NUBPL: variants seen among roughly 807,000 people sequenced by gnomAD.
NUBPL encodes the protein NUBP iron-sulfur cluster assembly factor, mitochondrial.
Under a neutral mutation model 45.7 loss-of-function variants are expected in NUBPL, and 31 were observed. The ratio of observed to expected loss-of-function variants is 0.68; its 90% CI spans 0.51 to 0.92. The LOEUF (loss-of-function observed/expected upper bound fraction) is 0.92. Ranked by LOEUF, NUBPL falls within the 40% of genes least tolerant of loss-of-function variation. The probability of loss-of-function intolerance (pLI) is 0.00; values close to 1 mark genes in which losing one functional copy is unlikely to be tolerated. For missense variants in NUBPL, 401 were observed against 398.7 expected, an observed-to-expected ratio of 1.01 and a Z score of -0.05; for synonymous variants, 144 against 140.9, an observed-to-expected ratio of 1.02 and a Z score of -0.15.
intron 7 of NUBPL, among the ~76,000 whole-genome samples, chr14:31,807,615 T>A (rs150167430): frequency 6.6e-6 from 1 of 151,874 alleles, no homozygotes; most frequent in Non-Finnish European, 1.5e-5. Flanking sequence ...GTGCAGAAGC[T>A]CTTTAGTTTA....
chr14:31,572,548 G>A (rs565245152), intron 3 of NUBPL, among the ~76,000 whole-genome samples: 31 of 152,290 alleles, frequency 2.0e-4, no homozygotes, highest in Admixed American at 5.9e-4. Context: ...TTTGCTATAC[G>A]TATGATTGTA....
intron 6 of NUBPL, among the ~76,000 whole-genome samples, chr14:31,760,651 C>G (rs1341884742): frequency 6.6e-6 from 1 of 152,034 alleles, no homozygotes; most frequent in Non-Finnish European, 1.5e-5. Flanking sequence ...GACAGGATTT[C>G]CTTCCCTTTT....
At chr14:31,573,406 C>G (rs546696325) in intron 3 of NUBPL, among the ~76,000 whole-genome samples, 7 of 152,248 alleles carry the variant, frequency 4.6e-5, no homozygotes, top group South Asian at 2.1e-4. Context: ...GCTTGCATAT[C>G]TCTCCTGGGT....
intron 6 of NUBPL, among the ~76,000 whole-genome samples, chr14:31,700,515 G>A (rs560068407): frequency 6.6e-5 from 10 of 152,274 alleles, no homozygotes; most frequent in South Asian, 2.1e-4. Context: ...GGCTGCAGCC[G>A]GCTCCCTCTG....
intron 7 of NUBPL, among the ~76,000 whole-genome samples, chr14:31,806,933 G>A (rs150987741): frequency 2.0e-4 from 30 of 152,000 alleles, no homozygotes; most frequent in Non-Finnish European, 3.5e-4. Flanking sequence ...CATCCATGTC[G>A]CTACACAGGA....
chr14:31,760,577 T>G (rs1465413066), intron 6 of NUBPL, among the ~76,000 whole-genome samples: 1 of 152,184 alleles, frequency 6.6e-6, no homozygotes, highest in Non-Finnish European at 1.5e-5. Flanking sequence ...AGTGTTTGTC[T>G]TTTTGTGCCT....
intron 8 of NUBPL, among the ~76,000 whole-genome samples, chr14:31,827,212 G>C (rs1256572257): frequency 1.3e-5 from 2 of 152,014 alleles, no homozygotes; most frequent in Non-Finnish European, 2.9e-5. Flanking sequence ...AAATTAGATG[G>C]GGTTAGAAGT....
intron 8 of NUBPL, among the ~76,000 whole-genome samples, chr14:31,832,418 T>C (rs1384695731): frequency 6.6e-6 from 1 of 152,106 alleles, no homozygotes; most frequent in Middle Eastern, 3.2e-3. Flanking sequence ...AGAGTTATGA[T>C]GCCATTAATA....
intron 4 of NUBPL, among the ~76,000 whole-genome samples, chr14:31,614,265 A>G (rs906679862): frequency 2.6e-5 from 4 of 152,214 alleles, no homozygotes; most frequent in African/African-American, 7.2e-5. Context: ...CAATAGCAGG[A>G]TTATTCTTAC....
intron 7 of NUBPL, among the ~76,000 whole-genome samples, chr14:31,804,384 C>T (rs1024144788): frequency 8.5e-5 from 13 of 152,106 alleles, no homozygotes; most frequent in Admixed American, 8.5e-4. Context: ...TGAAGTATGA[C>T]ATGAAAAGGA....
Position 31,850,155 on chromosome 14 carries a change from C to T in NUBPL, c.851C>T (p.Ser284Leu), listed in dbSNP as rs751046647. 6.2e-7 allele frequency: 1 copy of T among 1,613,924 alleles called. No individual in the cohort carries two copies. Among genetic ancestry groups the T allele is most frequent in the Admixed American group, 1.7e-5 (1 of 60,016 alleles). Reference sequence around the variant, plus strand: ...TTACACCTTAATATAAGGGAAGCTTCAGATACAGGCCAGCCAATTGTGTTT... The same window carrying T: ...TTACACCTTAATATAAGGGAAGCTTTAGATACAGGCCAGCCAATTGTGTTT... Reference protein sequence around the residue: ...IPLHLNIREASDTGQPIVFSQ... With the variant: ...IPLHLNIREALDTGQPIVFSQ... Residue 284 changes from serine (S) to leucine (L), a missense_variant, in exon 10 of 11, where the codon TCA (serine) becomes TTA (leucine). Coordinates refer to ENST00000281081, the MANE Select transcript of NUBPL (RefSeq NM_025152.3).
chr14:31,734,411 C>T (rs186331188), intron 6 of NUBPL, among the ~76,000 whole-genome samples: 145 of 152,256 alleles, frequency 9.5e-4, no homozygotes, highest in Non-Finnish European at 8.4e-4. Context: ...ACATAGAGAA[C>T]AATCTCTGAC....
chr14:31,672,200 T>G (rs1277632863), intron 4 of NUBPL, among the ~76,000 whole-genome samples: 1 of 152,142 alleles, frequency 6.6e-6, no homozygotes, highest in Admixed American at 6.6e-5. Context: ...CTTTTGTGGA[T>G]TTTTATACTT....
chr14:31,706,598 G>T (rs191940140), intron 6 of NUBPL, among the ~76,000 whole-genome samples: 3 of 152,222 alleles, frequency 2.0e-5, no homozygotes, highest in African/African-American at 7.2e-5. Context: ...TCCCTTACTG[G>T]TTAGTGTAAA....
intron 6 of NUBPL, among the ~76,000 whole-genome samples, chr14:31,770,647 CT>C (rs779365983): frequency 3.9e-5 from 6 of 152,132 alleles, no homozygotes; most frequent in Non-Finnish European, 8.8e-5. Context: ...ACCTTGTAGC[CT>C]TTCATTAGTT....
At chr14:31,698,907 T>G (rs1595510550) in intron 6 of NUBPL, among the ~76,000 whole-genome samples, 1 of 151,526 alleles carries the variant, frequency 6.6e-6, no homozygotes, top group African/African-American at 2.4e-5. Flanking sequence ...CAGGCTGGAG[T>G]GCAGTGGCAC....
At chr14:31,782,662 G>A (rs118140706) in intron 6 of NUBPL, among the ~76,000 whole-genome samples, 9,586 of 151,540 alleles carry the variant, frequency 0.063, 411 homozygotes, top group Non-Finnish European at 0.091. Context: ...TTGTGATGGC[G>A]GGCACCTGTC....
intron 6 of NUBPL, among the ~76,000 whole-genome samples, chr14:31,702,959 A>C (rs1377266646): frequency 6.6e-6 from 1 of 152,204 alleles, no homozygotes; most frequent in African/African-American, 2.4e-5. Flanking sequence ...TTAACTAAAA[A>C]CTGTGATTCC....
rs369666005 is a variant in NUBPL at position 31,607,613 on chromosome 14, CTT to C, written c.382+8237_382+8238del. 2.8e-3 allele frequency among the ~76,000 whole-genome samples: 425 copies of C among 151,882 alleles called. 2 individuals carry two copies. The highest frequency in any genetic ancestry group is 9.8e-3 in the African/African-American group (404 of 41,398). On this transcript the variant is annotated intron_variant, in intron 4 of 10. Transcript: ENST00000281081. ...TTGGCATGCTGAAGAATGCATCAGT[CTT>C]TTAATAGAATTGATCAAGCAGAAGA...
Sources: allele counts gnomAD v4.1 joint callset (sites outside exome capture counted in the v4.1 genomes callset), GRCh38; gene constraint gnomAD v4.1.1; transcripts MANE v1.5; gene names NCBI Gene and HGNC (gene_info 2026-07-23, HGNC 2026-07-21).